Variants in EMC8 observed in about 807,000 individuals in gnomAD.
EMC8 encodes the protein COX4 neighbor.
EMC8 carries 11 observed loss-of-function variants against 24.3 expected under a neutral mutation model. The ratio of observed to expected loss-of-function variants is 0.45; its 90% CI spans 0.28 to 0.75. The LOEUF (loss-of-function observed/expected upper bound fraction) is 0.75. Among genes scored for constraint, EMC8 ranks in the 30% least tolerant of loss-of-function variants. The pLI is 0.12. For synonymous variants in EMC8, 145 were observed against 117.7 expected (o/e 1.23, Z -1.50); for missense variants, 277 against 282.7 (o/e 0.98, Z 0.14).
chr16:85,780,545 G>T (rs958637500), intron 3 of EMC8, 72 bp from the exon 4 acceptor site: 153 of 1,104,770 alleles, frequency 1.4e-4, no homozygotes, highest in Non-Finnish European at 2.0e-4. Context: ...GCCTCCTCGG[G>T]GCTCTCCCTG....
chr16:85,781,437 A>C (rs1247554533), intron 2 of EMC8, 157 bp from the exon 3 acceptor site: 1 of 603,218 alleles, frequency 1.7e-6, no homozygotes, highest in Non-Finnish European at 3.0e-6. Flanking sequence ...CTTATTATTT[A>C]ATTTTTTGGT....
Position 85,789,029 on chromosome 16 carries a change from G to C in EMC8, c.253C>G (p.His85Asp). The change falls in exon 2 of 5, where the codon CAT becomes GAT. Residue 85 changes from histidine (H) to aspartate (D), a missense_variant. By Grantham distance (81) the His-to-Asp change is moderately conservative. Transcript: ENST00000253457. The part of the protein sequence containing the change: ...LTLIDSWCKD[H>D]SYVIAGYYQA... ...TAATAACCAGCAATCACGTAGCTAT[G>C]ATCTTTGCACCATGAATCAATCTGA... 1 of 1,613,610 alleles carries C rather than the reference G, an allele frequency of 6.2e-7. No individual in the cohort carries two copies. Among genetic ancestry groups the C allele is most frequent in the Non-Finnish European group, 8.5e-7 (1 of 1,179,506 alleles).
At chr16:85,793,721 G>T (rs1455307762) in intron 1 of EMC8, among the ~76,000 whole-genome samples, 1 of 152,168 alleles carries the variant, frequency 6.6e-6, no homozygotes, top group Non-Finnish European at 1.5e-5. Flanking sequence ...CATCTGCGCA[G>T]AATGTAACAG....
intron 1 of EMC8, among the ~76,000 whole-genome samples, chr16:85,794,459 C>T (rs59454283): frequency 0.13 from 20,073 of 152,110 alleles, 1,627 homozygotes; most frequent in Non-Finnish European, 0.19. Context: ...GAGGGCGAGG[C>T]GAGCGGACTG....
At position 85,786,903 on chromosome 16, in the gene EMC8, C is replaced by T. The variant is rs143765120; in HGVS notation, c.308+2071G>A. 3.8e-4 allele frequency among the ~76,000 whole-genome samples: 58 copies of T among 152,154 alleles called. No individual in the cohort carries two copies. In the East Asian group the frequency reaches 6.6e-3, roughly 17 times the overall value. On this transcript the variant is annotated intron_variant, in intron 2 of 4. Transcript: ENST00000253457. ...AGAGCCTGCGCAGGTCCATGTGGGG[C>T]GACCACATCAGGCATGGATTTGCAG...
At position 85,799,104 on chromosome 16, in the gene EMC8, G is replaced by A. The variant is rs924410712; in HGVS notation, c.192C>T (p.Thr64=). ...CCTCCAGCATGGGGGCGAGGGCCAG[G>A]GTGCCGTGGAAGAGGGGGATGCAGT... The part of the protein sequence containing the change: ...FVDCIPLFHG[T]LALAPMLEVA... Residue 64 remains threonine, a synonymous_variant, in exon 1 of 5, where the codon ACC becomes ACT. Coordinates refer to ENST00000253457, the MANE Select transcript of EMC8 (RefSeq NM_006067.5). This position sits in a 1 kb window ranked among gnomAD's most constrained non-coding sequence, Gnocchi z 4.2. 3.8e-6 allele frequency: 6 copies of A among 1,576,968 alleles called. No homozygotes were observed. The highest frequency in any genetic ancestry group is 5.2e-6 in the Non-Finnish European group (6 of 1,161,568).
chr16:85,789,005 A>G lies in EMC8; in HGVS notation c.277T>C (p.Tyr93His), dbSNP rs773020357. The G allele has an allele frequency of 6.2e-7, 1 of 1,614,000 alleles. No individual in the cohort carries two copies. Among genetic ancestry groups the G allele is most frequent in the South Asian group, 1.1e-5 (1 of 91,076 alleles). Residue 93 changes from tyrosine (Y) to histidine (H), a missense_variant, in exon 2 of 5, where the codon TAT (tyrosine) becomes CAT (histidine). Transcript: ENST00000253457. ...KDHSYVIAGYYQANERVKDAS... is the reference protein window; with the variant it reads ...KDHSYVIAGYHQANERVKDAS... ...TCCTTTACTCGCTCATTAGCTTGAT[A>G]ATAACCAGCAATCACGTAGCTATGA...
intron 2 of EMC8, 103 bp from the exon 3 acceptor site, chr16:85,781,383 A>T: frequency 1.2e-6 from 1 of 808,674 alleles, no homozygotes. Flanking sequence ...TGACAGAAAG[A>T]CTGGCAGAGC....
In EMC8 at chr16:85,778,701, C is replaced by T. The variant is rs943198850; in HGVS notation, c.*1007G>A. On this transcript the variant is annotated 3_prime_UTR_variant, in exon 5 of 5. Transcript: ENST00000253457. Reference sequence around the variant, plus strand: ...CTATGTGTTAAGAGAAAATAGTGACCGCTGTATCACAAACCCTTTCAGGTC... The same window carrying T: ...CTATGTGTTAAGAGAAAATAGTGACTGCTGTATCACAAACCCTTTCAGGTC... 6.6e-6 allele frequency: 1 copy of T among 152,136 alleles called. No homozygotes were observed. The highest frequency in any genetic ancestry group is 2.4e-5 in the African/African-American group (1 of 41,418). 9.4% of individuals were successfully genotyped at this position (152,136 alleles called of 1,614,324 possible). A position where few individuals can be genotyped will look rare whatever the true frequency, so the allele number is the denominator to read the frequency against.
intron 2 of EMC8, among the ~76,000 whole-genome samples, chr16:85,785,696 G>C (rs1252535483): frequency 2.6e-5 from 4 of 152,198 alleles, no homozygotes; most frequent in Non-Finnish European, 5.9e-5. Context: ...ACTTGATCCT[G>C]AATGAAGACT....
At chr16:85,782,405 C>T (rs1303221434) in intron 2 of EMC8, among the ~76,000 whole-genome samples, 2 of 152,220 alleles carry the variant, frequency 1.3e-5, no homozygotes, top group African/African-American at 2.4e-5. Flanking sequence ...ACCATTCCTG[C>T]ACCATGTCTC....
At chr16:85,793,354 A>G (rs998818267) in intron 1 of EMC8, among the ~76,000 whole-genome samples, 1 of 152,216 alleles carries the variant, frequency 6.6e-6, no homozygotes, top group African/African-American at 2.4e-5. Context: ...TCAGAAGTAG[A>G]GCAACTGTTA....
At chr16:85,793,865 G>T (rs769667381) in intron 1 of EMC8, among the ~76,000 whole-genome samples, 3 of 152,034 alleles carry the variant, frequency 2.0e-5, no homozygotes, top group Non-Finnish European at 4.4e-5. Context: ...CACTACCTAC[G>T]TCAAAGGGTT....
At chr16:85,781,533 C>T (rs1482799611) in intron 2 of EMC8, 1 of 395,142 alleles carries the variant, frequency 2.5e-6, no homozygotes, top group Non-Finnish European at 4.7e-6. Context: ...TAGGCTCAAG[C>T]AATCCCACCT....
At chr16:85,793,052 G>C (rs1036191437) in intron 1 of EMC8, 2 of 152,224 alleles carry the variant, frequency 1.3e-5, no homozygotes, top group Admixed American at 1.3e-4. Context: ...CACCTTGGCA[G>C]GAGTCTACCA....
Position 85,779,825 on chromosome 16 carries a change from G to C in EMC8, c.516C>G (p.Ala172=). 1 of 1,614,170 alleles carries C rather than the reference G, an allele frequency of 6.2e-7. No homozygotes were observed. Among genetic ancestry groups the C allele is most frequent in the Middle Eastern group, 1.7e-4 (1 of 6,060 alleles). Residue 172 remains alanine (A), a synonymous_variant, in exon 5 of 5, where the codon GCC becomes GCG. Transcript: ENST00000253457. ...CGTAGGACCGGCTGTCCAGGAGCGA[G>C]GCTGAGATCCTCTGTGCCTCTGGCC... ...EDWPEAQRIS[A]SLLDSRSYET...
chr16:85,788,086 A>G (rs936171055), intron 2 of EMC8, among the ~76,000 whole-genome samples: 1 of 152,182 alleles, frequency 6.6e-6, no homozygotes, highest in Non-Finnish European at 1.5e-5. Context: ...AGCCTGACGC[A>G]TGCCCGTTAT....
At chr16:85,788,791 G>A in intron 2 of EMC8, 183 bp downstream of exon 2, 1 of 607,006 alleles carries the variant, frequency 1.6e-6, no homozygotes, top group Non-Finnish European at 2.9e-6. Flanking sequence ...TAATAGAAAT[G>A]TTTGGAATTT....
At chr16:85,794,978 G>A (rs1351284831) in intron 1 of EMC8, among the ~76,000 whole-genome samples, 1 of 152,172 alleles carries the variant, frequency 6.6e-6, no homozygotes, top group Admixed American at 6.5e-5. Flanking sequence ...AGTGGTTTGG[G>A]AGGCAGCCCT....
Sources: allele counts gnomAD v4.1 joint callset (sites outside exome capture counted in the v4.1 genomes callset), GRCh38; gene constraint gnomAD v4.1.1; non-coding constraint Gnocchi (gnomAD v3.1); transcripts MANE v1.5; gene names NCBI Gene and HGNC (gene_info 2026-07-23, HGNC 2026-07-21).